The following EMC3 variants were observed in gnomAD, a reference collection of about 807,000 sequenced individuals.
EMC3 encodes 30 kDa protein.
Under a neutral mutation model 36.6 loss-of-function variants are expected in EMC3, and 13 were observed. That is an observed-to-expected ratio of 0.35 (90% CI 0.23 to 0.56). The LOEUF (loss-of-function observed/expected upper bound fraction) is 0.56, where lower values mean the gene tolerates loss of function less well. Among genes scored for constraint, EMC3 ranks in the 20% least tolerant of loss-of-function variants. The pLI, the probability that EMC3 is intolerant of heterozygous loss-of-function variation, is 0.84. For missense variants in EMC3, 220 were observed against 324.5 expected (o/e 0.68, Z 2.47); for synonymous variants, 120 against 111.9 (o/e 1.07, Z -0.46).
upstream of EMC3, chr3:9,987,904 A>T (rs1204362166): frequency 1.0e-6 from 1 of 978,390 alleles, no homozygotes; most frequent in Non-Finnish European, 1.6e-6. Context: ...AACTTTCTGC[A>T]GGTAATCTCT....
chr3:10,003,595 T>C (rs915090604), intron 1 of EMC3: 4 of 223,794 alleles, frequency 1.8e-5, no homozygotes, highest in Non-Finnish European at 3.6e-5. Flanking sequence ...CAGGATCACA[T>C]GCTGATTGGG....
chr3:9,990,946 G>A (rs755257521), upstream of EMC3, among the ~76,000 whole-genome samples: 8 of 151,814 alleles, frequency 5.3e-5, no homozygotes, highest in African/African-American at 9.7e-5. Flanking sequence ...CTCCTGCCTC[G>A]GCCTCCTGAG....
intron 3 of EMC3, 110 bp from the exon 4 acceptor site, chr3:9,974,598 G>A (rs577237739): frequency 3.8e-5 from 26 of 686,470 alleles, no homozygotes; most frequent in South Asian, 2.5e-4. Flanking sequence ...CCGCTCTGTC[G>A]CCCAGGCTGG....
At chr3:10,002,326 T>C (rs916636445) in intron 1 of EMC3, among the ~76,000 whole-genome samples, 2 of 151,518 alleles carry the variant, frequency 1.3e-5, no homozygotes, top group Non-Finnish European at 2.9e-5. Flanking sequence ...TCTGGCTCTC[T>C]AACACAGGCT....
chr3:10,006,289 T>A (rs1001826384), intron 1 of EMC3: 4 of 152,232 alleles, frequency 2.6e-5, no homozygotes, highest in African/African-American at 9.7e-5. Context: ...AGGAGATAGA[T>A]GCCTTTGCAT....
intron 1 of EMC3, chr3:10,003,535 A>G: frequency 3.3e-6 from 1 of 299,836 alleles, no homozygotes. Context: ...CAGGAGCTCC[A>G]GAACTGTAAA....
intron 5 of EMC3, among the ~76,000 whole-genome samples, chr3:9,971,114 G>T (rs1223692613): frequency 1.3e-5 from 2 of 151,904 alleles, no homozygotes; most frequent in Non-Finnish European, 1.5e-5. Context: ...TTAGAGATGG[G>T]GTCTCACCAT....
At chr3:9,966,697 C>A (rs899907202) in intron 7 of EMC3, among the ~76,000 whole-genome samples, 1 of 152,046 alleles carries the variant, frequency 6.6e-6, no homozygotes, top group Non-Finnish European at 1.5e-5. Flanking sequence ...GCCTCAGCCT[C>A]CTGAGTAGCT....
At chr3:10,003,250 C>A (rs1376156880) in intron 1 of EMC3, 1 of 456,214 alleles carries the variant, frequency 2.2e-6, no homozygotes, top group East Asian at 6.9e-5. Context: ...TCAGGCTGGG[C>A]AGCCCAAGGC....
upstream of EMC3, chr3:9,988,837 T>C (rs624587): frequency 0.11 from 94,306 of 837,098 alleles, 8,197 homozygotes; most frequent in South Asian, 0.15. Flanking sequence ...TTCTTTCTCC[T>C]CCCTCCAGTC....
Position 9,997,890 on chromosome 3 carries a change from T to C in EMC3, c.-241-10988A>G, listed in dbSNP as rs555131293. 1.6e-3 allele frequency among the ~76,000 whole-genome samples: 240 copies of C among 152,312 alleles called. 2 individuals carry two copies. The highest frequency in any genetic ancestry group is 5.3e-3 in the African/African-American group (219 of 41,564). On this transcript the variant is annotated intron_variant, in intron 1 of 8. Coordinates refer to the EMC3 transcript ENST00000470827. ...GTTTACAAATATTTGTTTGAGTCCC[T>C]GTTTTCGGTTCTTTAGGGTATATAA...
chr3:9,995,648 G>GT (rs201414728), intron 1 of EMC3, among the ~76,000 whole-genome samples: 2,781 of 151,698 alleles, frequency 0.018, 97 homozygotes, highest in African/African-American at 0.063. Context: ...GAAAGATTCT[G>GT]TTTTTTGAGA....
chr3:10,006,826 C>T (rs1038848467), intron 1 of EMC3: 16 of 424,376 alleles, frequency 3.8e-5, no homozygotes, highest in African/African-American at 3.2e-4. Flanking sequence ...GACGAAGGCC[C>T]TGAGGTCCAA....
intron 1 of EMC3, among the ~76,000 whole-genome samples, chr3:10,001,795 AG>A (rs2086203736): frequency 1.3e-5 from 2 of 152,180 alleles, no homozygotes; most frequent in South Asian, 4.1e-4. Context: ...CAGGAGACTG[AG>A]ACCATCCTGG....
In EMC3 at chr3:9,977,446, A is replaced by C. The variant is rs2085862052; in HGVS notation, c.156T>G (p.Ser52Arg). Residue 52 changes from serine to arginine, a missense_variant and splice_region_variant, in exon 2 of 8, where the codon AGT becomes AGG. By Grantham distance (110) the Ser-to-Arg change is moderately radical. Coordinates refer to ENST00000245046, the MANE Select transcript of EMC3 (RefSeq NM_001394674.1). ...GGACTCTGCTTCGAATTAGGACTTG[A>C]CTGAAAAATACAACCAACACAATGA... ...KKLTQEQVSD[S>R]QVLIRSRVLR... 3 of 1,611,716 alleles carry C rather than the reference A, an allele frequency of 1.9e-6. No individual in the cohort carries two copies. Among genetic ancestry groups the C allele is most frequent in the Non-Finnish European group, 2.5e-6 (3 of 1,179,358 alleles).
At chr3:9,965,847 G>A (rs202212301) in intron 7 of EMC3, among the ~76,000 whole-genome samples, 5 of 152,000 alleles carry the variant, frequency 3.3e-5, no homozygotes, top group Non-Finnish European at 5.9e-5. Flanking sequence ...ACACTCCATT[G>A]TATATATTCT....
At chr3:9,981,820 T>C (rs2085914594) in intron 1 of EMC3, 12 of 399,980 alleles carry the variant, frequency 3.0e-5, no homozygotes, top group South Asian at 2.2e-4. Context: ...TGTTTCTTCC[T>C]TTCCAAAATG....
chr3:9,995,837 C>A (rs2086116956), intron 1 of EMC3, among the ~76,000 whole-genome samples: 1 of 151,696 alleles, frequency 6.6e-6, no homozygotes, highest in Non-Finnish European at 1.5e-5. Context: ...TGTTTTTAAA[C>A]CTCTTTACTT....
At position 9,999,176 on chromosome 3, in the gene EMC3, G is replaced by T. The variant is rs71314384; in HGVS notation, c.-242+11847C>A. ...TGCAAACATGTTCTCCCATTCTATG[G>T]GTTTTCACTCCCTTGATAGTGTCCT... is the stretch of plus-strand genomic sequence containing the variant. On this transcript the variant is annotated intron_variant, in intron 1 of 8. Transcript: ENST00000470827. Among the ~76,000 whole-genome samples the T allele has an allele frequency of 9.1e-3, 1,383 of 151,924 alleles. 12 individuals carry two copies. The highest frequency in any genetic ancestry group is 0.017 in the Admixed American group (264 of 15,252).
Sources: gnomAD v4.1 joint callset for allele counts (sites outside exome capture counted in the v4.1 genomes callset) on GRCh38, gnomAD v4.1.1 for gene constraint, MANE v1.5 for transcripts, NCBI Gene and HGNC (gene_info 2026-07-23, HGNC 2026-07-21) for gene names.